ANKRD44: variants seen among roughly 807,000 people sequenced by gnomAD.
ANKRD44 encodes the protein serine/threonine-protein phosphatase 6 regulatory ankyrin repeat subunit B.
A neutral mutation model predicts 116.0 loss-of-function variants in ANKRD44; 35 were observed. That is an observed-to-expected ratio of 0.30 (90% confidence interval 0.23 to 0.40). The LOEUF (loss-of-function observed/expected upper bound fraction) is 0.40, where lower values mean the gene tolerates loss of function less well. Ranked by LOEUF, ANKRD44 falls within the 10% of genes least tolerant of loss-of-function variation. The pLI, the probability that ANKRD44 is intolerant of heterozygous loss-of-function variation, is 1.00. For missense variants in ANKRD44, 1,014 were observed against 1,242.6 expected, an observed-to-expected ratio of 0.82 and a Z score of 2.77; for synonymous variants, 435 against 461.8, an observed-to-expected ratio of 0.94 and a Z score of 0.74.
At chr2:197,194,747 T>C (rs1490150534) in intron 1 of ANKRD44, among the ~76,000 whole-genome samples, 2 of 152,214 alleles carry the variant, frequency 1.3e-5, no homozygotes, top group African/African-American at 2.4e-5. Flanking sequence ...GATAGATAGA[T>C]AGATATAGAT....
chr2:197,000,527 T>A lies in ANKRD44; in HGVS notation c.2436-25A>T, dbSNP rs747676338. 7 of 1,574,350 alleles carry A rather than the reference T, an allele frequency of 4.4e-6. No homozygotes were observed. The South Asian group carries it at 7.7e-5, about 17-fold the overall frequency. On this transcript the variant is annotated intron_variant, in intron 22 of 27. Coordinates refer to ENST00000282272, the MANE Select transcript of ANKRD44 (RefSeq NM_001195144.2). Reference sequence around the variant, plus strand: ...TCTAAAATGAAAATGGGTTTTAATGTAACAATCTCACTCTTTTAAATTATA... The same window carrying A: ...TCTAAAATGAAAATGGGTTTTAATGAAACAATCTCACTCTTTTAAATTATA...
At chr2:197,001,397 C>G (rs2076112032) in intron 22 of ANKRD44, among the ~76,000 whole-genome samples, 1 of 152,210 alleles carries the variant, frequency 6.6e-6, no homozygotes, top group South Asian at 2.1e-4. Context: ...TGTGAAATGC[C>G]TTTCTAACCA....
intron 13 of ANKRD44, among the ~76,000 whole-genome samples, 172 bp from the exon 14 acceptor site, chr2:197,083,681 T>C (rs2077851621): frequency 1.3e-5 from 2 of 152,232 alleles, no homozygotes; most frequent in African/African-American, 4.8e-5. Flanking sequence ...ATCCCTTATC[T>C]GAAATGCTTG....
Position 197,152,967 on chromosome 2 carries a change from T to C in ANKRD44, c.112-5862A>G, listed in dbSNP as rs1036419862. Among the ~76,000 whole-genome samples, 8 of 152,070 alleles carry C rather than the reference T, an allele frequency of 5.3e-5. 1 individual carries two copies. Among genetic ancestry groups the C allele is most frequent in the Non-Finnish European group, 1.5e-5 (1 of 67,986 alleles). On this transcript the variant is annotated intron_variant, in intron 2 of 27. Coordinates refer to ENST00000282272, the MANE Select transcript of ANKRD44 (RefSeq NM_001195144.2). ...CGTGGTGGCTCATGCATGCAATCCC[T>C]GCACTTCGGGAGGCTGAGGCAGATG... is the stretch of plus-strand genomic sequence containing the variant.
intron 1 of ANKRD44, among the ~76,000 whole-genome samples, chr2:197,190,050 C>T (rs778506505): frequency 6.6e-6 from 1 of 152,174 alleles, no homozygotes; most frequent in Non-Finnish European, 1.5e-5. Flanking sequence ...GGGACTAATG[C>T]TGCTAAAAGC....
intron 1 of ANKRD44, chr2:197,296,502 T>G (rs1232704106): frequency 6.6e-6 from 1 of 152,112 alleles, no homozygotes; most frequent in Non-Finnish European, 1.5e-5. Context: ...AAGCTTAAAG[T>G]TCAACAGCAT....
chr2:197,088,126 C>T (rs904210945), intron 12 of ANKRD44, among the ~76,000 whole-genome samples: 7 of 152,112 alleles, frequency 4.6e-5, no homozygotes, highest in South Asian at 2.1e-4. Flanking sequence ...TGACATTGAT[C>T]AGAGCTTCAA....
intron 16 of ANKRD44, among the ~76,000 whole-genome samples, chr2:197,048,549 A>G (rs2077046853): frequency 6.6e-6 from 1 of 152,190 alleles, no homozygotes; most frequent in African/African-American, 2.4e-5. Flanking sequence ...ATAGTATTCC[A>G]TGGTGTATAT....
chr2:197,281,084 G>A (rs557453970), intron 1 of ANKRD44, among the ~76,000 whole-genome samples: 1 of 150,154 alleles, frequency 6.7e-6, no homozygotes, highest in South Asian at 2.1e-4. Flanking sequence ...ACCTTCATTT[G>A]TTCATTCTCC....
chr2:197,014,623 A>G (rs918789115), intron 17 of ANKRD44, among the ~76,000 whole-genome samples: 2 of 151,938 alleles, frequency 1.3e-5, no homozygotes, highest in Admixed American at 6.6e-5. Flanking sequence ...CCTCGTCCCT[A>G]CTAAAAATAC....
chr2:197,253,227 A>G (rs2082362180), intron 1 of ANKRD44, among the ~76,000 whole-genome samples: 1 of 152,194 alleles, frequency 6.6e-6, no homozygotes, highest in Non-Finnish European at 1.5e-5. Context: ...TTCAGGGAAA[A>G]TTAAAAGGGG....
At chr2:197,084,717 G>A (rs144683237) in intron 13 of ANKRD44, among the ~76,000 whole-genome samples, 172 of 151,948 alleles carry the variant, frequency 1.1e-3, no homozygotes, top group Middle Eastern at 0.01. Flanking sequence ...AAATCATTTA[G>A]TTTCTCTCTC....
At chr2:197,016,964 C>A (rs1183493606) in intron 17 of ANKRD44, among the ~76,000 whole-genome samples, 2 of 151,898 alleles carry the variant, frequency 1.3e-5, no homozygotes, top group African/African-American at 4.8e-5. Context: ...GAAAAGGCAA[C>A]TCACAGAAAA....
At chr2:196,980,629 G>T (rs2075794148) in intron 21 of ANKRD44, among the ~76,000 whole-genome samples, 1 of 152,188 alleles carries the variant, frequency 6.6e-6, no homozygotes, top group Non-Finnish European at 1.5e-5. Context: ...GACGTTGTCT[G>T]AACCACACTC....
rs374513976 is a variant in ANKRD44, at chr2:197,308,832, AAC to A, written c.27+1744_27+1745del. On this transcript the variant is annotated intron_variant, in intron 1 of 27. Transcript: ENST00000282272. ...AGAGATGTTTTCTTGTAACCCTTAC[AAC>A]ACATCCAATGAGATGATGGAGCTAT... Among the ~76,000 whole-genome samples, 40 of 152,332 alleles carry A rather than the reference AAC, an allele frequency of 2.6e-4. 1 individual carries two copies. The East Asian group carries it at 7.3e-3, about 28-fold the overall frequency.
At chr2:196,978,015 A>G (rs1033994382) in intron 21 of ANKRD44, among the ~76,000 whole-genome samples, 1 of 152,248 alleles carries the variant, frequency 6.6e-6, no homozygotes, top group African/African-American at 2.4e-5. Flanking sequence ...CCATATAATT[A>G]AATATTATTT....
chr2:197,235,005 G>A (rs1338686318), intron 1 of ANKRD44, among the ~76,000 whole-genome samples: 1 of 152,200 alleles, frequency 6.6e-6, no homozygotes, highest in Non-Finnish European at 1.5e-5. Context: ...AACAGCAGGT[G>A]TTCAATCAGC....
rs1470067373 is a variant in ANKRD44 at position 197,273,975 on chromosome 2, AAAAAAATATATATATAT to A, written c.27+36586_27+36602del. Among the ~76,000 whole-genome samples the A allele has an allele frequency of 3.7e-5, 2 of 54,460 alleles. 1 individual carries two copies. The highest frequency in any genetic ancestry group is 7.1e-5 in the Non-Finnish European group (2 of 28,366). 35.7% of individuals were successfully genotyped at this position (54,460 alleles called of 152,430 possible). On this transcript the variant is annotated intron_variant, in intron 1 of 27. Transcript: ENST00000282272. The stretch of plus-strand genomic sequence containing the variant: ...CAACCAACCACAAAAAAAAAAAAAA[AAAAAAATATATATATAT>A]ATATATATATATATATATATATATA...
chr2:197,107,301 G>A (rs1001854540), intron 9 of ANKRD44, among the ~76,000 whole-genome samples: 3 of 152,178 alleles, frequency 2.0e-5, no homozygotes, highest in Non-Finnish European at 4.4e-5. Flanking sequence ...TAAAGCTTCT[G>A]TGAAGAAAAC....
Sources: allele counts gnomAD v4.1 joint callset (sites outside exome capture counted in the v4.1 genomes callset), GRCh38; gene constraint gnomAD v4.1.1; transcripts MANE v1.5; gene names NCBI Gene and HGNC (gene_info 2026-07-23, HGNC 2026-07-21).